The following PWWP2B variants were observed in gnomAD, a reference collection of about 807,000 sequenced individuals.
The protein encoded by PWWP2B is PWWP domain-containing protein 2B.
PWWP2B carries 9 observed loss-of-function variants against 15.5 expected under a neutral mutation model. That is an observed-to-expected ratio of 0.58 (90% CI 0.35 to 1.02). The LOEUF is 1.02. Among genes scored for constraint, PWWP2B ranks in the 50% least tolerant of loss-of-function variants. PWWP2B has a pLI of 0.02. For synonymous variants in PWWP2B, 474 were observed against 403.6 expected (o/e 1.17, Z -2.09); for missense variants, 864 against 865.3 (o/e 1.00, Z 0.02).
intron 1 of PWWP2B, among the ~76,000 whole-genome samples, chr10:132,398,642 C>T (rs2069569904): frequency 6.6e-6 from 1 of 152,254 alleles, no homozygotes; most frequent in African/African-American, 2.4e-5. Flanking sequence ...TGGCCTCGGG[C>T]TCTCCTCCCT....
intron 2 of PWWP2B, among the ~76,000 whole-genome samples, chr10:132,414,914 T>C (rs1352127381): frequency 6.6e-6 from 1 of 152,182 alleles, no homozygotes; most frequent in Non-Finnish European, 1.5e-5. Flanking sequence ...CTGGGGACTG[T>C]GTCAGCGGGG....
intron 2 of PWWP2B, among the ~76,000 whole-genome samples, chr10:132,412,653 G>C (rs1399065788): frequency 2.0e-5 from 3 of 152,212 alleles, no homozygotes; most frequent in Non-Finnish European, 2.9e-5. Flanking sequence ...GAGGGATTAC[G>C]AGGTGCTGGC....
rs2069879065 is a variant in PWWP2B, at chr10:132,417,586, G to A, written c.*542G>A. The A allele has an allele frequency of 6.3e-6, 1 of 158,174 alleles. No individual in the cohort carries two copies. The highest frequency in any genetic ancestry group is 1.6e-4 in the South Asian group (1 of 6,072). The allele number at this position is 158,174 out of a possible 1,614,324, so 9.8% of individuals were successfully genotyped here. On this transcript the variant is annotated 3_prime_UTR_variant, in exon 3 of 3. Coordinates refer to ENST00000305233, the MANE Select transcript of PWWP2B (RefSeq NM_138499.4). ...ATTCTTCCCCAGCCCTTGGGTGCGG[G>A]GTCTCTGTGCACTTGAGAGCTGGGG...
At chr10:132,414,247 G>C (rs755898046) in intron 2 of PWWP2B, among the ~76,000 whole-genome samples, 5 of 152,240 alleles carry the variant, frequency 3.3e-5, no homozygotes, top group African/African-American at 2.4e-5. Flanking sequence ...TTTCTAATGA[G>C]GATAGTGGCT....
intron 2 of PWWP2B, among the ~76,000 whole-genome samples, chr10:132,409,320 G>C (rs2069746371): frequency 6.6e-6 from 1 of 152,220 alleles, no homozygotes; most frequent in Non-Finnish European, 1.5e-5. Flanking sequence ...CTGAGGTCCG[G>C]GGCGGGGGCA....
chr10:132,410,010 T>C (rs959142438), intron 2 of PWWP2B, among the ~76,000 whole-genome samples: 2 of 152,198 alleles, frequency 1.3e-5, no homozygotes, highest in African/African-American at 4.8e-5. Flanking sequence ...CTCTGGGTGC[T>C]GTTGGAGAAT....
chr10:132,411,480 C>G (rs1455806173), intron 2 of PWWP2B, among the ~76,000 whole-genome samples: 1 of 152,250 alleles, frequency 6.6e-6, no homozygotes, highest in Non-Finnish European at 1.5e-5. Flanking sequence ...TCCACCCGAG[C>G]CTCATGTCCG....
At chr10:132,414,200 C>T (rs767078217) in intron 2 of PWWP2B, among the ~76,000 whole-genome samples, 1 of 152,200 alleles carries the variant, frequency 6.6e-6, no homozygotes. Flanking sequence ...ACGAAGGGCC[C>T]GTCCAGGCTG....
intron 1 of PWWP2B, among the ~76,000 whole-genome samples, chr10:132,400,005 C>G (rs2069594403): frequency 6.6e-6 from 1 of 152,210 alleles, no homozygotes; most frequent in Non-Finnish European, 1.5e-5. Context: ...ACACCCTAGG[C>G]CAGACACCCT....
chr10:132,402,014 G>A (rs1293865682), intron 1 of PWWP2B, among the ~76,000 whole-genome samples: 1 of 152,258 alleles, frequency 6.6e-6, no homozygotes, highest in South Asian at 2.1e-4. Context: ...AGGAAGTATG[G>A]CTGCCTGACG....
At chr10:132,410,927 T>C (rs1264437681) in intron 2 of PWWP2B, among the ~76,000 whole-genome samples, 1 of 152,150 alleles carries the variant, frequency 6.6e-6, no homozygotes, top group Non-Finnish European at 1.5e-5. Flanking sequence ...TTTCCCCTCC[T>C]GCCCTGGCAG....
intron 2 of PWWP2B, among the ~76,000 whole-genome samples, chr10:132,407,498 C>T (rs757329689): frequency 2.0e-5 from 3 of 151,912 alleles, no homozygotes; most frequent in South Asian, 2.1e-4. Flanking sequence ...GGGACTGGAG[C>T]GCCTGGTGCC....
rs200330904 is a variant in PWWP2B at position 132,405,501 on chromosome 10, G to A, written c.1001G>A (p.Arg334His). Residue 334 changes from arginine to histidine, a missense_variant, in exon 2 of 3, where the codon CGC becomes CAC. By Grantham distance (29) the Arg-to-His change is conservative. This residue lies in a region of PWWP2B where 736 missense variants were observed against 687.7 expected (regional missense o/e 1.07). Transcript: ENST00000305233. ...AGADLPPPKI[R>H]LKPHRLGDSE... Reference sequence around the variant, plus strand: ...GCGGACCTGCCGCCCCCTAAGATCCGCCTGAAGCCCCACCGTCTGGGGGAC... The same window carrying A: ...GCGGACCTGCCGCCCCCTAAGATCCACCTGAAGCCCCACCGTCTGGGGGAC... The A allele has an allele frequency of 3.7e-6, 6 of 1,603,670 alleles. No homozygotes were observed. Among genetic ancestry groups the A allele is most frequent in the South Asian group, 1.1e-5 (1 of 91,026 alleles).
In PWWP2B at chr10:132,398,965, C is replaced by T. The variant is rs549564635; in HGVS notation, c.125+1614C>T. Reference sequence around the variant, plus strand: ...GTCCTGGAAGGACCCCTGCCCCCTCCCTCATCTCCCCTGTGCCTGAGTCTG... The same window carrying T: ...GTCCTGGAAGGACCCCTGCCCCCTCTCTCATCTCCCCTGTGCCTGAGTCTG... On this transcript the variant is annotated intron_variant, in intron 1 of 2. Coordinates refer to ENST00000305233, the MANE Select transcript of PWWP2B (RefSeq NM_138499.4). Among the ~76,000 whole-genome samples the T allele has an allele frequency of 2.6e-5, 3 of 113,426 alleles. No individual in the cohort carries two copies. The South Asian group carries it at 7.1e-4, about 27-fold the overall frequency. The allele number at this position is 113,426 out of a possible 152,430, so 74.4% of individuals were successfully genotyped here. A position where few individuals can be genotyped will look rare whatever the true frequency, so the allele number is the denominator to read the frequency against.
chr10:132,417,156 T>C lies in PWWP2B; in HGVS notation c.*112T>C. ...CTGGCCGGCTGCGTGCAGAGCCCAC[T>C]GGGCACGGTGGTCGGCCTGGTGTGA... On this transcript the variant is annotated 3_prime_UTR_variant, in exon 3 of 3. Transcript: ENST00000305233. 6.5e-7 allele frequency: 1 copy of C among 1,540,538 alleles called. No homozygotes were observed. The highest frequency in any genetic ancestry group is 9.0e-7 in the Non-Finnish European group (1 of 1,114,490).
At chr10:132,416,349 C>T (rs528168085) in intron 2 of PWWP2B, among the ~76,000 whole-genome samples, 2 of 152,134 alleles carry the variant, frequency 1.3e-5, no homozygotes, top group African/African-American at 4.8e-5. Context: ...AGAACTGGGG[C>T]TGACAGTGTC....
At chr10:132,397,502 C>G in intron 1 of PWWP2B, 151 bp downstream of exon 1, 1 of 835,676 alleles carries the variant, frequency 1.2e-6, no homozygotes, top group Non-Finnish European at 1.5e-6. Context: ...TCGGGGCGCG[C>G]GAGCGCGGCC....
At chr10:132,397,708 G>T (rs961458953) in intron 1 of PWWP2B, among the ~76,000 whole-genome samples, 1 of 152,230 alleles carries the variant, frequency 6.6e-6, no homozygotes, top group Non-Finnish European at 1.5e-5. Flanking sequence ...TAAAGCAGGG[G>T]AGGGTCAGAT....
intron 2 of PWWP2B, among the ~76,000 whole-genome samples, chr10:132,411,453 G>A (rs1456826779): frequency 6.6e-6 from 1 of 152,266 alleles, no homozygotes; most frequent in Non-Finnish European, 1.5e-5. Context: ...TGTGGGCAGC[G>A]CGGGCACAGC....
Sources: gnomAD v4.1 joint callset for allele counts (sites outside exome capture counted in the v4.1 genomes callset) on GRCh38, gnomAD v4.1.1 for gene constraint, gnomAD v4.1.1 regional missense constraint, MANE v1.5 for transcripts, NCBI Gene and HGNC (gene_info 2026-07-23, HGNC 2026-07-21) for gene names.